KCNIP4: variants seen among roughly 807,000 people sequenced by gnomAD.
The protein encoded by KCNIP4 is Kv channel-interacting protein 4.
Under a neutral mutation model 34.0 loss-of-function variants are expected in KCNIP4, and 12 were observed. That is an observed-to-expected ratio of 0.35 (90% CI 0.23 to 0.57). The LOEUF is 0.57. KCNIP4 is among the 20% of genes least tolerant of loss of function. The pLI, the probability that KCNIP4 is intolerant of heterozygous loss-of-function variation, is 0.83. For missense variants in KCNIP4, 238 were observed against 311.7 expected (o/e 0.76, Z 1.78); for synonymous variants, 124 against 102.2 (o/e 1.21, Z -1.29).
chr4:20,927,990 G>T (rs10516371), intron 1 of KCNIP4, among the ~76,000 whole-genome samples: 1 of 151,558 alleles, frequency 6.6e-6, no homozygotes, highest in Non-Finnish European at 1.5e-5. Context: ...TATTCAATTC[G>T]AGCAGGGATG....
chr4:21,336,217 C>T (rs1716165622), intron 1 of KCNIP4, among the ~76,000 whole-genome samples: 4 of 151,784 alleles, frequency 2.6e-5, no homozygotes, highest in Admixed American at 2.6e-4. Flanking sequence ...TTTAATAAAC[C>T]ACAATTATTT....
At chr4:21,739,869 A>G (rs970887274) in intron 1 of KCNIP4, among the ~76,000 whole-genome samples, 1 of 152,158 alleles carries the variant, frequency 6.6e-6, no homozygotes, top group Non-Finnish European at 1.5e-5. Flanking sequence ...ATGCTCAAAC[A>G]AAAGTATCCA....
chr4:21,850,034 T>C (rs1487208478), intron 1 of KCNIP4: 7 of 151,970 alleles, frequency 4.6e-5, no homozygotes, highest in Non-Finnish European at 2.9e-5. Context: ...CTGGTGAAAA[T>C]AGTAAGTCCA....
intron 1 of KCNIP4, among the ~76,000 whole-genome samples, chr4:21,453,025 C>T (rs1430972954): frequency 6.6e-6 from 1 of 152,036 alleles, no homozygotes; most frequent in Non-Finnish European, 1.5e-5. Context: ...ACCTTTTAGC[C>T]ATTATTACAT....
intron 1 of KCNIP4, among the ~76,000 whole-genome samples, chr4:21,144,981 A>G (rs1054992762): frequency 4.5e-5 from 2 of 44,110 alleles, no homozygotes; most frequent in African/African-American, 2.1e-4. Flanking sequence ...TCTTTAGGGA[A>G]AAAAAAAAAT....
intron 1 of KCNIP4, among the ~76,000 whole-genome samples, chr4:21,287,651 AGT>A (rs1319427340): frequency 6.6e-6 from 1 of 152,154 alleles, no homozygotes; most frequent in Non-Finnish European, 1.5e-5. Flanking sequence ...CCTGATACCA[AGT>A]GTTTTTCTAC....
At chr4:21,535,060 C>T (rs1413967687) in intron 1 of KCNIP4, among the ~76,000 whole-genome samples, 1 of 152,086 alleles carries the variant, frequency 6.6e-6, no homozygotes, top group Non-Finnish European at 1.5e-5. Context: ...CCACTCTACT[C>T]CATTCTGCGC....
At chr4:21,043,659 T>C (rs1384391713) in intron 1 of KCNIP4, among the ~76,000 whole-genome samples, 4 of 152,114 alleles carry the variant, frequency 2.6e-5, no homozygotes, top group African/African-American at 9.7e-5. Context: ...TTTTTAGATA[T>C]GTGATAGAAG....
intron 1 of KCNIP4, among the ~76,000 whole-genome samples, chr4:21,558,318 CCT>C (rs1282773626): frequency 6.6e-6 from 1 of 151,916 alleles, no homozygotes; most frequent in African/African-American, 2.4e-5. Flanking sequence ...ATGGTGAAAC[CCT>C]GTCTCTACTA....
chr4:21,794,533 C>G (rs538273370), intron 1 of KCNIP4, among the ~76,000 whole-genome samples: 1 of 152,270 alleles, frequency 6.6e-6, no homozygotes, highest in Admixed American at 6.5e-5. Flanking sequence ...GGGTTGCCCT[C>G]TGGGAAGGCT....
chr4:21,544,949 A>G (rs1738014469), intron 1 of KCNIP4, among the ~76,000 whole-genome samples: 1 of 152,146 alleles, frequency 6.6e-6, no homozygotes, highest in South Asian at 2.1e-4. Context: ...GAACGACTCC[A>G]TCTTGAATAG....
chr4:21,383,498 C>A (rs1308002160), intron 1 of KCNIP4, among the ~76,000 whole-genome samples: 630 of 113,864 alleles, frequency 5.5e-3, no homozygotes, highest in African/African-American at 8.5e-3. Context: ...AGTAGCAAGA[C>A]AAAAAAAAAA....
At chr4:21,056,331 C>T (rs996550081) in intron 1 of KCNIP4, among the ~76,000 whole-genome samples, 4 of 152,122 alleles carry the variant, frequency 2.6e-5, no homozygotes, top group Non-Finnish European at 5.9e-5. Flanking sequence ...GTTTACAATT[C>T]GTTCTCTTGA....
chr4:21,117,302 G>GGGC (rs1749766778), intron 1 of KCNIP4, among the ~76,000 whole-genome samples: 1 of 21,724 alleles, frequency 4.6e-5, no homozygotes. Context: ...GGGGTTGCCG[G>GGGC]GGGGGGGGGG....
Position 20,917,685 on chromosome 4 carries a change from G to A in KCNIP4, c.62-34976C>T, listed in dbSNP as rs1728983283. 1.3e-5 allele frequency among the ~76,000 whole-genome samples: 2 copies of A among 152,188 alleles called. 1 individual carries two copies. Among genetic ancestry groups the A allele is most frequent in the South Asian group, 4.1e-4 (2 of 4,832 alleles). ...GTCTAAGCTGACATCTCAGGGCTGAGTAGGTTACTCTTGAGAAACAAATCT... is the reference window on the plus strand; with the variant it reads ...GTCTAAGCTGACATCTCAGGGCTGAATAGGTTACTCTTGAGAAACAAATCT... On this transcript the variant is annotated intron_variant, in intron 1 of 8. Coordinates refer to ENST00000382152, the MANE Select transcript of KCNIP4 (RefSeq NM_025221.6).
At chr4:21,667,547 G>A (rs554468074) in intron 1 of KCNIP4, among the ~76,000 whole-genome samples, 1 of 152,168 alleles carries the variant, frequency 6.6e-6, no homozygotes, top group Non-Finnish European at 1.5e-5. Context: ...CAAACAGTTT[G>A]TCCAGACATG....
intron 1 of KCNIP4, among the ~76,000 whole-genome samples, chr4:21,456,907 ACTTCGTATTT>A (rs996037031): frequency 2.2e-4 from 33 of 152,050 alleles, no homozygotes; most frequent in African/African-American, 7.7e-4. Flanking sequence ...GGGATCTTTC[ACTTCGTATTT>A]CACCGCCGGG....
At chr4:20,747,226 T>A (rs1312348414) in intron 5 of KCNIP4, among the ~76,000 whole-genome samples, 1 of 152,206 alleles carries the variant, frequency 6.6e-6, no homozygotes, top group African/African-American at 2.4e-5. Flanking sequence ...AAATTGGATA[T>A]AATGTGCCCT....
At chr4:20,746,553 A>G (rs543564481) in intron 5 of KCNIP4, among the ~76,000 whole-genome samples, 1 of 152,140 alleles carries the variant, frequency 6.6e-6, no homozygotes, top group African/African-American at 2.4e-5. Flanking sequence ...GATAACTGCT[A>G]TAGTTAACAT....
Sources: allele counts gnomAD v4.1 joint callset (sites outside exome capture counted in the v4.1 genomes callset), GRCh38; gene constraint gnomAD v4.1.1; transcripts MANE v1.5; gene names NCBI Gene and HGNC (gene_info 2026-07-23, HGNC 2026-07-21).